INSL6: variants seen among roughly 807,000 people sequenced by gnomAD.
The protein encoded by INSL6 is insulin like 6, also known as insulin-like peptide INSL6.
In INSL6, 16 loss-of-function variants were observed where a neutral mutation model predicts 9.4. That is an observed-to-expected ratio of 1.70 (90% CI 1.15 to 2.59). The LOEUF (loss-of-function observed/expected upper bound fraction) is 2.59, where lower values mean the gene tolerates loss of function less well. INSL6 is among the 30% of genes most tolerant of loss of function. INSL6 has a pLI of 0.00. For synonymous variants in INSL6, 154 were observed against 96.9 expected (o/e 1.59, Z -3.46); for missense variants, 391 against 257.3 (o/e 1.52, Z -3.56).
At chr9:5,114,834 G>GCT in the INSL6 span, 1 of 267,428 alleles carries the variant, frequency 3.7e-6, no homozygotes, top group Non-Finnish European at 7.4e-6. Flanking sequence ...CCCCACTAGG[G>GCT]CTCTGTCCAG....
chr9:5,132,794 G>C (rs970668417), intron 3 of INSL6: 4 of 152,280 alleles, frequency 2.6e-5, no homozygotes, highest in Admixed American at 6.5e-5. Flanking sequence ...AAGGAATCCT[G>C]GATAATCTTA....
chr9:5,103,403 G>A, the INSL6 span, among the ~76,000 whole-genome samples: 2 of 151,838 alleles, frequency 1.3e-5, no homozygotes, highest in Non-Finnish European at 2.9e-5. Flanking sequence ...CAATACAGCA[G>A]CACCAAGATT....
At chr9:5,015,042 T>G in the INSL6 span, among the ~76,000 whole-genome samples, 17 of 152,168 alleles carry the variant, frequency 1.1e-4, no homozygotes, top group African/African-American at 4.1e-4. Context: ...CAGCTTACAG[T>G]TTTCTATAAT....
At chr9:5,019,266 A>G in the INSL6 span, among the ~76,000 whole-genome samples, 1 of 151,912 alleles carries the variant, frequency 6.6e-6, no homozygotes, top group Non-Finnish European at 1.5e-5. Flanking sequence ...TTTTTGTCTA[A>G]TGGGGTTATT....
chr9:5,177,626 C>G (rs370761978), intron 1 of INSL6, among the ~76,000 whole-genome samples: 1 of 152,244 alleles, frequency 6.6e-6, no homozygotes, highest in Non-Finnish European at 1.5e-5. Flanking sequence ...TTGTTCTGCA[C>G]GTCCCACTTC....
the INSL6 span, among the ~76,000 whole-genome samples, chr9:5,107,102 T>C: frequency 6.6e-6 from 1 of 152,264 alleles, no homozygotes; most frequent in African/African-American, 2.4e-5. Context: ...TGTTGACACT[T>C]TGTAGATGTA....
chr9:5,045,697 C>G, the INSL6 span, among the ~76,000 whole-genome samples: 2 of 152,158 alleles, frequency 1.3e-5, no homozygotes, highest in Non-Finnish European at 2.9e-5. Flanking sequence ...GCTTATTTCA[C>G]TTAGCATAAT....
intron 3 of INSL6, chr9:5,126,521 C>A: frequency 9.1e-7 from 1 of 1,102,550 alleles, no homozygotes; most frequent in Non-Finnish European, 1.3e-6. Context: ...AGTTCACTTC[C>A]TGAAATTTAA....
the INSL6 span, among the ~76,000 whole-genome samples, chr9:5,082,601 G>C: frequency 6.6e-6 from 1 of 152,168 alleles, no homozygotes; most frequent in Non-Finnish European, 1.5e-5. Context: ...GTTGGGCTGG[G>C]GGACGGTCAG....
the INSL6 span, among the ~76,000 whole-genome samples, chr9:5,048,805 T>G: frequency 6.6e-6 from 1 of 152,188 alleles, no homozygotes; most frequent in Non-Finnish European, 1.5e-5. Context: ...AGACAAGTTA[T>G]TACATCAAGA....
chr9:5,076,198 C>T, the INSL6 span, among the ~76,000 whole-genome samples: 2 of 152,104 alleles, frequency 1.3e-5, no homozygotes, highest in Non-Finnish European at 2.9e-5. Flanking sequence ...GAAATGACAA[C>T]AAAGGGTTTG....
the INSL6 span, among the ~76,000 whole-genome samples, chr9:5,015,872 G>A: frequency 2.6e-5 from 4 of 151,820 alleles, no homozygotes; most frequent in Admixed American, 1.3e-4. Flanking sequence ...TTCTAAACAC[G>A]ATTGTGTCAT....
At chr9:5,163,391 A>C (rs970276632), downstream of INSL6, among the ~76,000 whole-genome samples, 1 of 152,220 alleles carries the variant, frequency 6.6e-6, no homozygotes, top group African/African-American at 2.4e-5. Context: ...TTAAGTTCTC[A>C]GTAGAAATTG....
chr9:5,056,200 A>T, the INSL6 span, among the ~76,000 whole-genome samples: 4 of 152,242 alleles, frequency 2.6e-5, no homozygotes, highest in East Asian at 7.7e-4. Context: ...TTTATATAAC[A>T]AAATGTAAAT....
the INSL6 span, among the ~76,000 whole-genome samples, chr9:5,006,106 T>C: frequency 4.3e-4 from 65 of 152,332 alleles, no homozygotes; most frequent in African/African-American, 1.4e-3. Flanking sequence ...TTTCACGATA[T>C]TGATTCTTCC....
At chr9:5,091,931 G>T in the INSL6 span, among the ~76,000 whole-genome samples, 1 of 152,094 alleles carries the variant, frequency 6.6e-6, no homozygotes, top group Non-Finnish European at 1.5e-5. Flanking sequence ...GAGTGGTATA[G>T]TTGTTTGGGG....
At chr9:5,119,452 T>C (rs1327656353), downstream of INSL6, among the ~76,000 whole-genome samples, 4 of 152,246 alleles carry the variant, frequency 2.6e-5, no homozygotes, top group East Asian at 7.7e-4. Flanking sequence ...CTTCAAATTA[T>C]ATAAGCTTTG....
intron 1 of INSL6, among the ~76,000 whole-genome samples, chr9:5,177,612 G>A (rs538999235): frequency 6.6e-6 from 1 of 152,346 alleles, no homozygotes; most frequent in South Asian, 2.1e-4. Context: ...AGGGAGCCAA[G>A]CAGTTGTTCT....
At chr9:5,035,727 G>A in the INSL6 span, among the ~76,000 whole-genome samples, 43,252 of 151,962 alleles carry the variant, frequency 0.28, 6,507 homozygotes, top group African/African-American at 0.38. Context: ...GATGGGACGT[G>A]TCTCAAAATA....
Sources: gnomAD v4.1 joint callset for allele counts (sites outside exome capture counted in the v4.1 genomes callset) on GRCh38, gnomAD v4.1.1 for gene constraint, MANE v1.5 for transcripts, NCBI Gene and HGNC (gene_info 2026-07-23, HGNC 2026-07-21) for gene names.